Variants in ZNF267 observed in about 807,000 individuals in gnomAD.
ZNF267 encodes zinc finger (C2H2).
A neutral mutation model predicts 71.6 loss-of-function variants in ZNF267; 61 were observed. The ratio of observed to expected loss-of-function variants is 0.85; its 90% CI spans 0.69 to 1.05. The LOEUF is 1.05. ZNF267 is among the 50% of genes least tolerant of loss of function. The pLI, the probability that ZNF267 is intolerant of heterozygous loss-of-function variation, is 0.00. For synonymous variants in ZNF267, 288 were observed against 293.2 expected (o/e 0.98, Z 0.18); for missense variants, 852 against 870.0 (o/e 0.98, Z 0.26).
chr16:31,890,486 T>C (rs181270698), intron 3 of ZNF267, among the ~76,000 whole-genome samples: 1 of 152,366 alleles, frequency 6.6e-6, no homozygotes, highest in Admixed American at 6.5e-5. Context: ...TTTATGTTTG[T>C]CCTTAAATCA....
chr16:31,877,404 C>T (rs2083859663), intron 1 of ZNF267, among the ~76,000 whole-genome samples: 1 of 152,046 alleles, frequency 6.6e-6, no homozygotes, highest in African/African-American at 2.4e-5. Flanking sequence ...GACTTTCTTT[C>T]ACAGGGAGGA....
chr16:31,895,620 C>T (rs1424479225), intron 3 of ZNF267, among the ~76,000 whole-genome samples: 1 of 152,184 alleles, frequency 6.6e-6, no homozygotes, highest in East Asian at 1.9e-4. Flanking sequence ...TTCACCTCCT[C>T]ACCAACACAT....
chr16:31,912,921 C>G (rs2084146068), intron 3 of ZNF267: 2 of 148,102 alleles, frequency 1.4e-5, no homozygotes, highest in African/African-American at 2.7e-5. Context: ...TCTATTTTAT[C>G]TTGAATTTGT....
intron 3 of ZNF267, among the ~76,000 whole-genome samples, chr16:31,905,189 C>A (rs995033265): frequency 4.6e-5 from 7 of 152,120 alleles, no homozygotes; most frequent in African/African-American, 1.7e-4. Flanking sequence ...TTGTGGGTAA[C>A]CTGACCTTTC....
At chr16:31,906,384 A>G (rs893591391) in intron 3 of ZNF267, among the ~76,000 whole-genome samples, 1 of 152,184 alleles carries the variant, frequency 6.6e-6, no homozygotes, top group African/African-American at 2.4e-5. Flanking sequence ...GGTGGAGTCT[A>G]CGGAGGCAGG....
intron 3 of ZNF267, chr16:31,912,849 T>C (rs1005085630): frequency 6.7e-6 from 1 of 148,816 alleles, no homozygotes; most frequent in Non-Finnish European, 1.5e-5. Flanking sequence ...AATTTCTGCT[T>C]GATTCCTTTT....
Position 31,890,417 on chromosome 16 carries a change from A to G in ZNF267, c.226+5161A>G, listed in dbSNP as rs370814447. Among the ~76,000 whole-genome samples the G allele has an allele frequency of 1.8e-3, 272 of 152,324 alleles. 1 individual carries two copies. The highest frequency in any genetic ancestry group is 3.1e-3 in the Non-Finnish European group (214 of 68,026). On this transcript the variant is annotated intron_variant, in intron 3 of 3. Transcript: ENST00000300870. ...GAAGTCTGTTTTGTCTAATATAACC[A>G]ACAACCACTCCTGATTTTTGGTTGT...
chr16:31,890,148 G>A (rs2083950438), intron 3 of ZNF267: 1 of 152,076 alleles, frequency 6.6e-6, no homozygotes. Context: ...TGTTATACAG[G>A]TGAACTCTTT....
chr16:31,878,355 G>A (rs1432616680), intron 1 of ZNF267, among the ~76,000 whole-genome samples: 4 of 152,012 alleles, frequency 2.6e-5, no homozygotes, highest in South Asian at 4.1e-4. Context: ...CCCCCTCCCC[G>A]ACCCAGCTGC....
chr16:31,895,301 TC>T (rs1315237186), intron 3 of ZNF267, among the ~76,000 whole-genome samples: 1 of 152,256 alleles, frequency 6.6e-6, no homozygotes, highest in African/African-American at 2.4e-5. Context: ...AGGATTTTAT[TC>T]TTTTTTAATG....
At chr16:31,886,318 A>C (rs1356140553) in intron 3 of ZNF267, among the ~76,000 whole-genome samples, 1 of 152,208 alleles carries the variant, frequency 6.6e-6, no homozygotes, top group African/African-American at 2.4e-5. Context: ...AGGGGTCTAT[A>C]GTACTGGTCT....
chr16:31,902,280 C>T (rs201086449), intron 3 of ZNF267, among the ~76,000 whole-genome samples: 2 of 152,200 alleles, frequency 1.3e-5, no homozygotes, highest in South Asian at 2.1e-4. Context: ...GATGCAGGCT[C>T]TTATTTGGTT....
intron 3 of ZNF267, among the ~76,000 whole-genome samples, chr16:31,904,020 ATTT>A (rs2084065398): frequency 6.6e-6 from 1 of 152,120 alleles, no homozygotes; most frequent in Non-Finnish European, 1.5e-5. Context: ...GAACGTCTTT[ATTT>A]ATGTCTTCAT....
chr16:31,877,104 C>T (rs1055923475), intron 1 of ZNF267, among the ~76,000 whole-genome samples: 2 of 152,088 alleles, frequency 1.3e-5, no homozygotes. Flanking sequence ...TCCATATAGT[C>T]GCCTACTCAT....
rs1421161332 is a variant in ZNF267 at position 31,873,899 on chromosome 16, T to C, written c.-68T>C. ...GTTCTGAGAATAAACAGAACCTCTG[T>C]TGCTCTGCGACTTGCAGGCACTGGG... On this transcript the variant is annotated 5_prime_UTR_variant, in exon 1 of 4. Transcript: ENST00000300870. 1 of 1,610,480 alleles carries C rather than the reference T, an allele frequency of 6.2e-7. No homozygotes were observed. The highest frequency in any genetic ancestry group is 8.5e-7 in the Non-Finnish European group (1 of 1,176,792).
rs1158061187 is a variant in ZNF267, at chr16:31,876,307, G to A, written c.3+2338G>A. ...TGATCACAGCTCACTCAACCTCCTG[G>A]GCTCAAGTGATCCTCCCACCTCAGC... On this transcript the variant is annotated intron_variant, in intron 1 of 3. Coordinates refer to ENST00000300870, the MANE Select transcript of ZNF267 (RefSeq NM_003414.6). Among the ~76,000 whole-genome samples, 4 of 152,064 alleles carry A rather than the reference G, an allele frequency of 2.6e-5. No homozygotes were observed. The East Asian group carries it at 7.7e-4, about 29-fold the overall frequency.
Position 31,916,581 on chromosome 16 carries a change from G to T in ZNF267, c.*100G>T. ...GAAACCCTACAAATGTTAAGAATGT[G>T]GCATAACCTTTAACTATTTTCAAGC... On this transcript the variant is annotated 3_prime_UTR_variant, in exon 4 of 4. Coordinates refer to ENST00000300870, the MANE Select transcript of ZNF267 (RefSeq NM_003414.6). 5 of 1,169,222 alleles carry T rather than the reference G, an allele frequency of 4.3e-6. No individual in the cohort carries two copies. The South Asian group carries it at 7.9e-5, about 19-fold the overall frequency. The allele number at this position is 1,169,222 out of a possible 1,614,324, so 72.4% of individuals were successfully genotyped here.
At chr16:31,895,558 A>G (rs2142344858) in intron 3 of ZNF267, among the ~76,000 whole-genome samples, 1 of 152,278 alleles carries the variant, frequency 6.6e-6, no homozygotes, top group East Asian at 1.9e-4. Context: ...CATTTTCTAT[A>G]GTGGCTATAC....
intron 3 of ZNF267, among the ~76,000 whole-genome samples, chr16:31,886,515 G>A (rs1202083838): frequency 6.6e-6 from 1 of 152,100 alleles, no homozygotes; most frequent in Non-Finnish European, 1.5e-5. Context: ...TCTATCTAAT[G>A]CCTGATGATC....
Sources: allele counts gnomAD v4.1 joint callset (sites outside exome capture counted in the v4.1 genomes callset), GRCh38; gene constraint gnomAD v4.1.1; transcripts MANE v1.5; gene names NCBI Gene and HGNC (gene_info 2026-07-23, HGNC 2026-07-21).